The following KRT86 variants were observed in gnomAD, a reference collection of about 807,000 sequenced individuals.
KRT86 encodes the protein keratin 86, also known as keratin, type II cuticular Hb6.
KRT86 carries 30 observed loss-of-function variants against 41.2 expected under a neutral mutation model. The observed-to-expected ratio is 0.73, with a 90% CI of 0.54 to 0.99. KRT86 has a LOEUF of 0.99. KRT86 is among the 50% of genes least tolerant of loss of function. The probability of loss-of-function intolerance (pLI) is 0.00; values close to 1 mark genes in which losing one functional copy is unlikely to be tolerated. For missense variants in KRT86, 561 were observed against 571.4 expected, an observed-to-expected ratio of 0.98 and a Z score of 0.19; for synonymous variants, 238 against 238.1, an observed-to-expected ratio of 1.00 and a Z score of 0.00.
chr12:52,286,892 T>C (rs1937960463), intron 2 of KRT86: 1 of 1,580,974 alleles, frequency 6.3e-7, no homozygotes, highest in Admixed American at 1.7e-5. Flanking sequence ...CCCCAGTTCA[T>C]AGGGTAGGGT....
At chr12:52,295,643 A>C (rs912843974) in intron 2 of KRT86, among the ~76,000 whole-genome samples, 1 of 152,234 alleles carries the variant, frequency 6.6e-6, no homozygotes. Context: ...AAGCAGAGAC[A>C]CATACCCAGA....
chr12:52,280,106 G>C (rs1487696895), intron 2 of KRT86, among the ~76,000 whole-genome samples: 4 of 152,194 alleles, frequency 2.6e-5, no homozygotes, highest in Non-Finnish European at 5.9e-5. Context: ...GCCCAAGCTT[G>C]GGTTCTGGTT....
At chr12:52,286,891 A>C in intron 2 of KRT86, 1 of 1,585,630 alleles carries the variant, frequency 6.3e-7, no homozygotes, top group Non-Finnish European at 8.6e-7. Context: ...TCCCCAGTTC[A>C]TAGGGTAGGG....
intron 2 of KRT86, among the ~76,000 whole-genome samples, chr12:52,295,287 G>A (rs1216843508): frequency 6.6e-6 from 1 of 151,884 alleles, no homozygotes; most frequent in Admixed American, 6.6e-5. Flanking sequence ...TTTTACAGTT[G>A]CCCTCTGAGG....
intron 2 of KRT86, chr12:52,288,000 G>A (rs1938011268): frequency 6.2e-7 from 1 of 1,614,078 alleles, no homozygotes; most frequent in African/African-American, 1.3e-5. Context: ...GCGGTACCAG[G>A]ACTCGGCCTC....
chr12:52,306,045 C>T lies in KRT86; in HGVS notation c.1027-15C>T, dbSNP rs61915661. ...CAGGGACTCTAATCTACCTTGTTCT[C>T]TCTGTTCTCTTCAGAATTCCAAGCT... On this transcript the variant is annotated splice_polypyrimidine_tract_variant and intron_variant, in intron 8 of 10. Transcript: ENST00000423955. 0.028 allele frequency: 44,884 copies of T among 1,613,638 alleles called. 767 individuals carry two copies. The highest frequency in any genetic ancestry group is 0.033 in the Non-Finnish European group (38,353 of 1,179,950).
At chr12:52,307,979 G>A (rs1319648177) in intron 9 of KRT86, among the ~76,000 whole-genome samples, 3 of 152,214 alleles carry the variant, frequency 2.0e-5, no homozygotes, top group African/African-American at 7.2e-5. Flanking sequence ...TCCTGATGAG[G>A]AAGCCTAGGC....
intron 2 of KRT86, among the ~76,000 whole-genome samples, chr12:52,298,116 C>T (rs1177765236): frequency 1.3e-5 from 2 of 152,158 alleles, no homozygotes; most frequent in East Asian, 3.8e-4. Context: ...TCTTCTCATC[C>T]AGTAGTATGG....
rs188876362 is a variant in KRT86 at position 52,287,482 on chromosome 12, A to G, written c.-5+11536A>G. On this transcript the variant is annotated intron_variant, in intron 2 of 10. Transcript: ENST00000423955. ...TTGAGAGACCACGACCAGGGACTCT[A>G]CATGGACAAAGGGGGTGGAGAATGA... is the stretch of plus-strand genomic sequence containing the variant. 393 of 1,600,332 alleles carry G rather than the reference A, an allele frequency of 2.5e-4. 4 individuals are homozygous for G. In the Admixed American group the frequency reaches 6.1e-3, roughly 25 times the overall value.
In KRT86 at chr12:52,276,867, C is replaced by T. The variant is rs1378983394; in HGVS notation, c.-5+921C>T. Among the ~76,000 whole-genome samples the T allele has an allele frequency of 3.9e-5, 6 of 152,300 alleles. No individual in the cohort carries two copies. In the East Asian group the frequency reaches 7.7e-4, roughly 20 times the overall value. ...CCATGGAGGGAAGGGCTTCTGTTCC[C>T]GGTCTTTTCTTGCTTTCTGCAGATG... On this transcript the variant is annotated intron_variant, in intron 2 of 10. Transcript: ENST00000423955.
At chr12:52,276,145 A>G (rs781229978) in intron 2 of KRT86, among the ~76,000 whole-genome samples, 199 bp downstream of exon 2, 20 of 152,240 alleles carry the variant, frequency 1.3e-4, no homozygotes, top group Non-Finnish European at 1.3e-4. Flanking sequence ...TTATGTAAGT[A>G]ATGAACATGT....
At chr12:52,301,875 C>G in intron 2 of KRT86, 38 bp from the exon 3 acceptor site, 1 of 1,613,692 alleles carries the variant, frequency 6.2e-7, no homozygotes, top group Non-Finnish European at 8.5e-7. Flanking sequence ...TCCATTCGGA[C>G]GTCTCCATCC....
At chr12:52,299,617 T>C (rs1938326692) in intron 2 of KRT86, among the ~76,000 whole-genome samples, 1 of 152,262 alleles carries the variant, frequency 6.6e-6, no homozygotes, top group Non-Finnish European at 1.5e-5. Context: ...ATAATTTTTT[T>C]GTCTTTTTGA....
At chr12:52,288,413 T>C (rs749028788) in intron 2 of KRT86, 46 of 1,614,040 alleles carry the variant, frequency 2.8e-5, no homozygotes, top group Non-Finnish European at 3.8e-5. Flanking sequence ...GGCCTCCACG[T>C]TGGCCTCCAG....
Position 52,305,798 on chromosome 12 carries a change from A to G in KRT86, c.1026+10A>G, listed in dbSNP as rs908341700. On this transcript the variant is annotated intron_variant, in intron 8 of 10. Transcript: ENST00000423955. ...GAATGCCAAGTGCCAGGTATGGGGCATCTGTGCCCAAGGTCAGAGAGACCG... is the reference window on the plus strand; with the variant it reads ...GAATGCCAAGTGCCAGGTATGGGGCGTCTGTGCCCAAGGTCAGAGAGACCG... 14 of 1,613,862 alleles carry G rather than the reference A, an allele frequency of 8.7e-6. No homozygotes were observed. In the Middle Eastern group the frequency reaches 9.9e-4, roughly 114 times the overall value.
intron 2 of KRT86, 121 bp downstream of exon 2, chr12:52,276,067 G>A: frequency 2.1e-6 from 2 of 955,402 alleles, no homozygotes; most frequent in Non-Finnish European, 2.5e-6. Context: ...CTTAGTGAAT[G>A]TCTAAGCATA....
At chr12:52,288,465 G>A (rs1333211396) in intron 2 of KRT86, 13 of 1,613,894 alleles carry the variant, frequency 8.1e-6, no homozygotes, top group Middle Eastern at 1.6e-4. Flanking sequence ...TCCTGGAAAG[G>A]TGGGGAGTGT....
Position 52,306,268 on chromosome 12 carries a change from GC to G in KRT86, c.1236del (p.Glu413ArgfsTer12). ...GCCACCTACAGGCGCCTGCTGGAGG[GC>G]GAGGAGCAGAGGTGGGTCCCATAGA... ...EIATYRRLLE[G>X]EEQRLCEGVG... On this transcript the variant is annotated frameshift_variant, in exon 9 of 11. Transcript: ENST00000423955. LOFTEE classifies it high-confidence loss of function. 6.2e-7 allele frequency: 1 copy of G among 1,613,494 alleles called. No homozygotes were observed. The highest frequency in any genetic ancestry group is 8.5e-7 in the Non-Finnish European group (1 of 1,180,030).
At chr12:52,287,757 G>C (rs1268699095) in intron 2 of KRT86, 1 of 1,613,988 alleles carries the variant, frequency 6.2e-7, no homozygotes, top group Admixed American at 1.7e-5. Flanking sequence ...GGTTCAGGGT[G>C]GGACCTCCCA....
Sources: allele counts gnomAD v4.1 joint callset (sites outside exome capture counted in the v4.1 genomes callset), GRCh38; gene constraint gnomAD v4.1.1; transcripts MANE v1.5; gene names NCBI Gene and HGNC (gene_info 2026-07-23, HGNC 2026-07-21).